Variants in CLMN observed in about 807,000 individuals in gnomAD.
CLMN encodes the protein calmin (calponin-like, transmembrane).
CLMN carries 57 observed loss-of-function variants against 92.7 expected under a neutral mutation model. That is an observed-to-expected ratio of 0.61 (90% CI 0.50 to 0.77). CLMN has a LOEUF of 0.77. Ranked by LOEUF, CLMN falls within the 30% of genes least tolerant of loss-of-function variation. The pLI is 0.00. For synonymous variants in CLMN, 466 were observed against 470.6 expected (o/e 0.99, Z 0.13); for missense variants, 1,158 against 1,237.5 (o/e 0.94, Z 0.96).
rs779754310 is a variant in CLMN at position 95,223,767 on chromosome 14, C to T, written c.233G>A (p.Arg78Gln). 12 of 1,611,910 alleles carry T rather than the reference C, an allele frequency of 7.4e-6. No homozygotes were observed. The Admixed American group carries it at 8.4e-5, about 11-fold the overall frequency. Residue 78 changes from arginine (R) to glutamine (Q), a missense_variant, in exon 3 of 13, where the codon CGG (arginine) becomes CAG (glutamine). Arg to Gln is a conservative substitution (Grantham distance 43, BLOSUM62 1). Coordinates refer to ENST00000298912, the MANE Select transcript of CLMN (RefSeq NM_024734.4). Reference sequence around the variant, plus strand: ...CTTCTGTAACATACGTACCAGATTCCGCCCAGACAGGACTTCTAACAAAGC... The same window carrying T: ...CTTCTGTAACATACGTACCAGATTCTGCCCAGACAGGACTTCTAACAAAGC... ...LMALLEVLSG[R>Q]NLLHEYKSSS...
At chr14:95,254,852 G>A (rs1397799237) in intron 1 of CLMN, among the ~76,000 whole-genome samples, 1 of 152,094 alleles carries the variant, frequency 6.6e-6, no homozygotes, top group Non-Finnish European at 1.5e-5. Context: ...CACTATGCCT[G>A]GCTAATTTAA....
chr14:95,317,528 A>C lies in CLMN; in HGVS notation c.82+2183T>G, dbSNP rs148625961. Reference sequence around the variant, plus strand: ...AACAGCGGGGCATCCATACCATGGAATAGTACTCAGCAAGAAAGGAAGTCC... The same window carrying C: ...AACAGCGGGGCATCCATACCATGGACTAGTACTCAGCAAGAAAGGAAGTCC... On this transcript the variant is annotated intron_variant, in intron 1 of 12. Coordinates refer to ENST00000298912, the MANE Select transcript of CLMN (RefSeq NM_024734.4). 2.4e-3 allele frequency among the ~76,000 whole-genome samples: 366 copies of C among 152,148 alleles called. 11 individuals carry two copies. The highest frequency in any genetic ancestry group is 0.021 in the Admixed American group (328 of 15,268).
chr14:95,213,162 T>G lies in CLMN; in HGVS notation c.608+57A>C, dbSNP rs1897244766. On this transcript the variant is annotated intron_variant, in intron 6 of 12. Transcript: ENST00000298912. ...TTAATAAATACTAATTCTCCTTTCCTCTGCCTGAAAGCAGCTAGTTAAATG... is the reference window on the plus strand; with the variant it reads ...TTAATAAATACTAATTCTCCTTTCCGCTGCCTGAAAGCAGCTAGTTAAATG... 3 of 1,554,502 alleles carry G rather than the reference T, an allele frequency of 1.9e-6. No individual in the cohort carries two copies. In the African/African-American group the frequency reaches 4.1e-5, roughly 21 times the overall value.
At chr14:95,296,723 C>G (rs1900823284) in intron 1 of CLMN, among the ~76,000 whole-genome samples, 1 of 152,174 alleles carries the variant, frequency 6.6e-6, no homozygotes, top group Non-Finnish European at 1.5e-5. Flanking sequence ...AGGTCAAGAG[C>G]TACATGGTGG....
chr14:95,310,267 T>C (rs529448620), intron 1 of CLMN, among the ~76,000 whole-genome samples: 1 of 152,214 alleles, frequency 6.6e-6, no homozygotes, highest in African/African-American at 2.4e-5. Flanking sequence ...TTTAGAGCAA[T>C]GCAAAAACGA....
At chr14:95,273,239 G>A (rs1379223995) in intron 1 of CLMN, among the ~76,000 whole-genome samples, 3 of 152,190 alleles carry the variant, frequency 2.0e-5, no homozygotes, top group Admixed American at 6.5e-5. Context: ...GCTTAGAGGC[G>A]ACAGTGTGGA....
chr14:95,262,331 C>G (rs1899289638), intron 1 of CLMN, among the ~76,000 whole-genome samples: 1 of 152,178 alleles, frequency 6.6e-6, no homozygotes, highest in Admixed American at 6.5e-5. Context: ...AAAATAAATA[C>G]ATTCCCAGTG....
chr14:95,213,125 A>G (rs1230481941), intron 6 of CLMN, 94 bp downstream of exon 6: 20 of 1,373,354 alleles, frequency 1.5e-5, no homozygotes, highest in Non-Finnish European at 1.8e-5. Flanking sequence ...GGGCACATAC[A>G]TAACTGGCAC....
In CLMN at chr14:95,202,999, A is replaced by G. The variant is rs1369747259; in HGVS notation, c.2350T>C (p.Ser784Pro). The G allele has an allele frequency of 1.2e-6, 2 of 1,614,094 alleles. No individual in the cohort carries two copies. The highest frequency in any genetic ancestry group is 8.5e-7 in the Non-Finnish European group (1 of 1,180,008). Residue 784 changes from serine to proline, a missense_variant, in exon 9 of 13, where the codon TCG becomes CCG. Physicochemically the swap from Ser to Pro is moderately conservative, Grantham distance 74. Coordinates refer to ENST00000298912, the MANE Select transcript of CLMN (RefSeq NM_024734.4). ...ADGSQSSSSS[S>P]VPGESLPSAS... is the part of the protein sequence containing the mutation. ...CTGGGGAGGCTCTCTCCTGGCACCG[A>G]GGAACTGGAGCTGCTCTGAGAGCCA...
chr14:95,203,273 G>C lies in CLMN; in HGVS notation c.2076C>G (p.Ser692Arg). 6.2e-7 allele frequency: 1 copy of C among 1,614,008 alleles called. No individual in the cohort carries two copies. Among genetic ancestry groups the C allele is most frequent in the Non-Finnish European group, 8.5e-7 (1 of 1,180,018 alleles). The stretch of plus-strand genomic sequence containing the variant: ...CAAGGGTCTCCAAGCTGACACAGCT[G>C]CTTGGGGGGCTGGAAGATAATTCCT... ...VGEELSSSPP[S>R]SCVSLETLGS... Residue 692 changes from serine to arginine, a missense_variant, in exon 9 of 13, where the codon AGC (serine) becomes AGG (arginine). By Grantham distance (110) the Ser-to-Arg change is moderately radical. Transcript: ENST00000298912.
chr14:95,238,648 C>A (rs181929357), intron 1 of CLMN, among the ~76,000 whole-genome samples: 1 of 152,198 alleles, frequency 6.6e-6, no homozygotes, highest in Non-Finnish European at 1.5e-5. Context: ...CCTCCACCAC[C>A]CCCTGCCACC....
intron 1 of CLMN, among the ~76,000 whole-genome samples, chr14:95,309,596 C>T (rs1901440058): frequency 6.6e-6 from 1 of 152,246 alleles, no homozygotes; most frequent in African/African-American, 2.4e-5. Context: ...CCGGACTCTC[C>T]CTTCCTCTTA....
intron 1 of CLMN, among the ~76,000 whole-genome samples, chr14:95,238,723 CA>C (rs1389493897): frequency 7.9e-5 from 12 of 152,158 alleles, no homozygotes; most frequent in African/African-American, 2.9e-4. Flanking sequence ...CCAGCCGGCA[CA>C]AACCGGTGGT....
chr14:95,269,644 A>G (rs28634692), intron 1 of CLMN, among the ~76,000 whole-genome samples: 32,644 of 152,110 alleles, frequency 0.21, 4,196 homozygotes, highest in African/African-American at 0.36. Context: ...CCTGAACCCC[A>G]CCAGGCTCCT....
chr14:95,252,749 C>T (rs892007092), intron 1 of CLMN, among the ~76,000 whole-genome samples: 1 of 152,152 alleles, frequency 6.6e-6, no homozygotes, highest in Non-Finnish European at 1.5e-5. Context: ...AGCCATGCCT[C>T]TGTAATGAAG....
intron 1 of CLMN, among the ~76,000 whole-genome samples, chr14:95,302,605 A>T (rs1371792445): frequency 6.6e-6 from 1 of 152,184 alleles, no homozygotes; most frequent in African/African-American, 2.4e-5. Flanking sequence ...AAGCAAACAC[A>T]TTCCTCTTTT....
chr14:95,237,432 C>T (rs916871149), intron 1 of CLMN, among the ~76,000 whole-genome samples: 1 of 152,230 alleles, frequency 6.6e-6, no homozygotes, highest in Non-Finnish European at 1.5e-5. Flanking sequence ...ACACACTAAG[C>T]GCTGGGACAG....
intron 1 of CLMN, among the ~76,000 whole-genome samples, chr14:95,235,855 A>AT (rs1898035836): frequency 6.6e-6 from 1 of 152,026 alleles, no homozygotes; most frequent in Admixed American, 6.5e-5. Flanking sequence ...TCATCTCTAC[A>AT]CGCGCTCGCC....
At chr14:95,292,235 T>C (rs747207523) in intron 1 of CLMN, among the ~76,000 whole-genome samples, 5 of 152,180 alleles carry the variant, frequency 3.3e-5, no homozygotes, top group Admixed American at 3.3e-4. Flanking sequence ...AAAAGGTAAA[T>C]GGTAGTCATT....
Sources: allele counts gnomAD v4.1 joint callset (sites outside exome capture counted in the v4.1 genomes callset), GRCh38; gene constraint gnomAD v4.1.1; transcripts MANE v1.5; gene names NCBI Gene and HGNC (gene_info 2026-07-23, HGNC 2026-07-21).